The following CRADD variants were observed in gnomAD, a reference collection of about 807,000 sequenced individuals.
The protein encoded by CRADD is death domain-containing protein CRADD.
Under a neutral mutation model 15.5 loss-of-function variants are expected in CRADD, and 9 were observed. The observed-to-expected ratio is 0.58, with a 90% CI of 0.35 to 1.01. CRADD has a LOEUF of 1.01. Ranked by LOEUF, CRADD falls within the 50% of genes least tolerant of loss-of-function variation. The pLI, the probability that CRADD is intolerant of heterozygous loss-of-function variation, is 0.02. For missense variants in CRADD, 227 were observed against 250.3 expected (o/e 0.91, Z 0.63); for synonymous variants, 118 against 107.6 (o/e 1.10, Z -0.60).
At chr12:93,736,374 A>G (rs750476351) in intron 2 of CRADD, among the ~76,000 whole-genome samples, 4 of 152,188 alleles carry the variant, frequency 2.6e-5, no homozygotes, top group South Asian at 4.1e-4. Flanking sequence ...ATTGATTTCT[A>G]AAGTCCTTAT....
chr12:93,724,826 T>A (rs1325429235), intron 2 of CRADD, among the ~76,000 whole-genome samples: 2 of 151,836 alleles, frequency 1.3e-5, no homozygotes, highest in Non-Finnish European at 2.9e-5. Flanking sequence ...GTGACATATA[T>A]CTGTAAAGAA....
chr12:93,772,084 G>A (rs775976850), intron 2 of CRADD, among the ~76,000 whole-genome samples: 2 of 152,182 alleles, frequency 1.3e-5, no homozygotes, highest in Non-Finnish European at 1.5e-5. Context: ...TGAGTCTGTG[G>A]TTTGTGAGTT....
chr12:93,808,345 C>T (rs931145915), intron 2 of CRADD, among the ~76,000 whole-genome samples: 1 of 152,078 alleles, frequency 6.6e-6, no homozygotes, highest in African/African-American at 2.4e-5. Flanking sequence ...TGCTGGCAGG[C>T]AAGGAGAGCC....
intron 2 of CRADD, among the ~76,000 whole-genome samples, chr12:93,684,339 T>G (rs1324359147): frequency 6.6e-6 from 1 of 152,146 alleles, no homozygotes; most frequent in Non-Finnish European, 1.5e-5. Flanking sequence ...GGCATTAGAT[T>G]CTCATAAGGA....
chr12:93,772,374 A>G (rs1217033585), intron 2 of CRADD, among the ~76,000 whole-genome samples: 1 of 152,236 alleles, frequency 6.6e-6, no homozygotes, highest in Non-Finnish European at 1.5e-5. Context: ...AAAAGAGGCA[A>G]TATGAATTTG....
Position 93,693,866 on chromosome 12 carries a change from C to G in CRADD, c.298+14794C>G, listed in dbSNP as rs142666344. Among the ~76,000 whole-genome samples the G allele has an allele frequency of 7.6e-4, 115 of 152,108 alleles. No individual in the cohort carries two copies. In the East Asian group the frequency reaches 0.017, roughly 23 times the overall value. ...CAAATTCTCCCATTAATGAAAAGCC[C>G]AGAACCTGATGGCTTCATTGCTGAA... On this transcript the variant is annotated intron_variant, in intron 2 of 2. Transcript: ENST00000332896.
At chr12:93,849,781 C>G (rs1415968099) in intron 2 of CRADD, among the ~76,000 whole-genome samples, 189 bp from the exon 3 acceptor site, 2 of 151,006 alleles carry the variant, frequency 1.3e-5, no homozygotes, top group Non-Finnish European at 1.5e-5. Flanking sequence ...AACATTTTCA[C>G]AGATACTTAA....
rs1956401235 is a variant in CRADD at position 93,728,104 on chromosome 12, T to TA, written c.298+49033dup. Among the ~76,000 whole-genome samples the TA allele has an allele frequency of 2.6e-5, 4 of 152,238 alleles. No homozygotes were observed. In the South Asian group the frequency reaches 8.3e-4, roughly 31 times the overall value. ...TGAATTCTCAGTGCTGGGTACATAT[T>TA]ACGTGTTCAATACATGTTTGTTAAA... On this transcript the variant is annotated intron_variant, in intron 2 of 2. Coordinates refer to ENST00000332896, the MANE Select transcript of CRADD (RefSeq NM_003805.5).
intron 2 of CRADD, among the ~76,000 whole-genome samples, chr12:93,774,217 C>T (rs1157427368): frequency 6.6e-6 from 1 of 152,046 alleles, no homozygotes; most frequent in Non-Finnish European, 1.5e-5. Flanking sequence ...ACACATAGTC[C>T]ATCACTATGT....
intron 2 of CRADD, among the ~76,000 whole-genome samples, chr12:93,864,616 C>T (rs1049749830): frequency 1.3e-5 from 2 of 152,210 alleles, no homozygotes; most frequent in Non-Finnish European, 2.9e-5. Context: ...CATTTGCCTC[C>T]TTGAAATGTA....
At chr12:93,714,807 A>G (rs1956133728) in intron 2 of CRADD, 1 of 152,098 alleles carries the variant, frequency 6.6e-6, no homozygotes, top group Non-Finnish European at 1.5e-5. Context: ...CCTCAACACA[A>G]TTCCTCTTCT....
At chr12:93,871,118 C>T (rs1420800271) in intron 2 of CRADD, among the ~76,000 whole-genome samples, 1 of 152,144 alleles carries the variant, frequency 6.6e-6, no homozygotes, top group Non-Finnish European at 1.5e-5. Context: ...TCTTGCTTGG[C>T]ACATAGTGGG....
chr12:93,781,185 C>A (rs1021990024), intron 2 of CRADD, among the ~76,000 whole-genome samples: 2 of 151,968 alleles, frequency 1.3e-5, no homozygotes, highest in East Asian at 3.9e-4. Flanking sequence ...AAAGATGAGA[C>A]AGTTTGAGCA....
chr12:93,856,650 G>C (rs4146628), intron 2 of CRADD, among the ~76,000 whole-genome samples: 33,446 of 152,136 alleles, frequency 0.22, 3,971 homozygotes, highest in East Asian at 0.45. Context: ...GGATATGCAA[G>C]ATAAATATGC....
downstream of CRADD, among the ~76,000 whole-genome samples, chr12:93,855,722 T>C (rs938191307): frequency 6.6e-6 from 1 of 152,238 alleles, no homozygotes; most frequent in African/African-American, 2.4e-5. Flanking sequence ...CAGTGAGGAT[T>C]CCATGAGATG....
chr12:93,884,858 G>C (rs1958525167), intron 2 of CRADD, among the ~76,000 whole-genome samples: 2 of 152,180 alleles, frequency 1.3e-5, no homozygotes, highest in African/African-American at 2.4e-5. Flanking sequence ...GAGAATCAGA[G>C]AGGGGGCTGA....
intron 2 of CRADD, among the ~76,000 whole-genome samples, chr12:93,746,845 G>C (rs1197075679): frequency 1.3e-5 from 2 of 151,340 alleles, no homozygotes; most frequent in African/African-American, 4.9e-5. Context: ...TCATATAGCA[G>C]TGTGGTCTGG....
intron 2 of CRADD, among the ~76,000 whole-genome samples, chr12:93,807,706 C>T (rs559214385): frequency 1.3e-5 from 2 of 152,158 alleles, no homozygotes; most frequent in East Asian, 1.9e-4. Flanking sequence ...TGGAATGGCA[C>T]CTCCAGCTTG....
intron 2 of CRADD, among the ~76,000 whole-genome samples, chr12:93,786,994 A>G (rs1047152307): frequency 6.6e-6 from 1 of 152,196 alleles, no homozygotes; most frequent in African/African-American, 2.4e-5. Context: ...TTTATATTGC[A>G]GTTTGTGCAA....
Sources: allele counts gnomAD v4.1 joint callset (sites outside exome capture counted in the v4.1 genomes callset), GRCh38; gene constraint gnomAD v4.1.1; transcripts MANE v1.5; gene names NCBI Gene and HGNC (gene_info 2026-07-23, HGNC 2026-07-21).